Variants in PI4KA observed in about 807,000 individuals in gnomAD.
PI4KA encodes PI4-kinase alpha.
PI4KA carries 122 observed loss-of-function variants against 271.4 expected under a neutral mutation model. The ratio of observed to expected loss-of-function variants is 0.45; its 90% CI spans 0.39 to 0.52. The LOEUF is 0.52. Among genes scored for constraint, PI4KA ranks in the 20% least tolerant of loss-of-function variants. The probability of loss-of-function intolerance (pLI) is 0.00; values close to 1 mark genes in which losing one functional copy is unlikely to be tolerated. For missense variants in PI4KA, 1,969 were observed against 2,769.1 expected, an observed-to-expected ratio of 0.71 and a Z score of 6.48; for synonymous variants, 1,041 against 1,078.8, an observed-to-expected ratio of 0.96 and a Z score of 0.69.
chr22:20,838,518 C>T, intron 2 of PI4KA, 97 bp downstream of exon 2: 1 of 740,446 alleles, frequency 1.4e-6, no homozygotes. Flanking sequence ...ATGTATTCTT[C>T]TACTATTGCT....
chr22:20,713,751 GC>G (rs1396179002), intron 47 of PI4KA, among the ~76,000 whole-genome samples: 1 of 152,246 alleles, frequency 6.6e-6, no homozygotes, highest in African/African-American at 2.4e-5. Context: ...GGGCCAGCGT[GC>G]AGACATGGCC....
At chr22:20,824,781 A>ACACACACACACAC (rs879423661) in intron 3 of PI4KA, among the ~76,000 whole-genome samples, 1 of 136,482 alleles carries the variant, frequency 7.3e-6, no homozygotes, top group Admixed American at 7.5e-5. Flanking sequence ...CACACACACA[A>ACACACACACACAC]AACACTCGGC....
intron 19 of PI4KA, among the ~76,000 whole-genome samples, chr22:20,774,446 A>AT (rs1933081543): frequency 6.6e-6 from 1 of 152,132 alleles, no homozygotes; most frequent in African/African-American, 2.4e-5. Context: ...GCTCTTGGGT[A>AT]TTTTCCCTGA....
chr22:20,742,155 C>T (rs1355618058), intron 32 of PI4KA, 73 bp downstream of exon 32: 67 of 1,500,124 alleles, frequency 4.5e-5, no homozygotes, highest in Admixed American at 3.5e-4. Context: ...TTGGTGGTGG[C>T]GGCACCAGGG....
chr22:20,740,396 AAGAGAG>A (rs1000665948), intron 32 of PI4KA, among the ~76,000 whole-genome samples: 1 of 151,610 alleles, frequency 6.6e-6, no homozygotes, highest in Non-Finnish European at 1.5e-5. Context: ...CAAAAAGGAG[AAGAGAG>A]AGAGAATGAA....
At chr22:20,849,715 G>A (rs531434725) in intron 1 of PI4KA, among the ~76,000 whole-genome samples, 6 of 152,126 alleles carry the variant, frequency 3.9e-5, no homozygotes, top group East Asian at 1.9e-4. Context: ...TTAGCCGGGC[G>A]CAGTGGCGGG....
At chr22:20,802,198 A>G in intron 13 of PI4KA, 93 bp from the exon 14 acceptor site, 1 of 1,177,074 alleles carries the variant, frequency 8.5e-7, no homozygotes, top group Non-Finnish European at 1.2e-6. Context: ...TATGCTGATC[A>G]TTTATAAAAG....
intron 7 of PI4KA, among the ~76,000 whole-genome samples, chr22:20,814,155 A>G (rs1293431601): frequency 6.8e-6 from 1 of 147,016 alleles, no homozygotes; most frequent in Non-Finnish European, 1.5e-5. Context: ...ACAGGGCCTC[A>G]GAGATATTTT....
At chr22:20,851,411 A>G (rs1403484158) in intron 1 of PI4KA, among the ~76,000 whole-genome samples, 1 of 151,894 alleles carries the variant, frequency 6.6e-6, no homozygotes, top group Non-Finnish European at 1.5e-5. Context: ...GTGCAATCTC[A>G]GCTCACCACA....
At chr22:20,844,523 C>T (rs1926008561) in intron 1 of PI4KA, among the ~76,000 whole-genome samples, 1 of 151,596 alleles carries the variant, frequency 6.6e-6, no homozygotes. Flanking sequence ...GCAGGAGTTA[C>T]AAAACTAATA....
At chr22:20,798,020 A>G (rs1935085366) in intron 17 of PI4KA, among the ~76,000 whole-genome samples, 1 of 152,202 alleles carries the variant, frequency 6.6e-6, no homozygotes, top group Admixed American at 6.5e-5. Context: ...CTGTCAGGGA[A>G]AACTGGTCAG....
At chr22:20,778,519 C>A (rs1009813241) in intron 19 of PI4KA, among the ~76,000 whole-genome samples, 1 of 151,892 alleles carries the variant, frequency 6.6e-6, no homozygotes, top group East Asian at 1.9e-4. Context: ...ATAAAAACAA[C>A]AAAAGCCAAT....
Position 20,708,103 on chromosome 22 carries a change from A to C in PI4KA, c.6258-5T>G. 6.2e-7 allele frequency: 1 copy of C among 1,612,990 alleles called. No individual in the cohort carries two copies. The highest frequency in any genetic ancestry group is 8.5e-7 in the Non-Finnish European group (1 of 1,179,068). ...ATCATGTCGTAGGTCCGGCTCCTGA[A>C]AGGCCAAGGAAGAGTGAAGGGAGAT... On this transcript the variant is annotated splice_polypyrimidine_tract_variant and splice_region_variant and intron_variant, in intron 54 of 54. Transcript: ENST00000255882.
intron 44 of PI4KA, among the ~76,000 whole-genome samples, chr22:20,718,216 G>GAT (rs1293821507): frequency 1.3e-5 from 2 of 152,238 alleles, no homozygotes; most frequent in East Asian, 1.9e-4. Context: ...GCCCAGCATT[G>GAT]ATGACTCCAG....
At chr22:20,837,199 G>A (rs370520121) in intron 2 of PI4KA, among the ~76,000 whole-genome samples, 45 of 152,262 alleles carry the variant, frequency 3.0e-4, no homozygotes, top group African/African-American at 1.1e-3. Context: ...ATCAACCTGG[G>A]CAACCTAGCA....
chr22:20,742,902 GAC>G, intron 30 of PI4KA, 138 bp from the exon 31 acceptor site: 2 of 694,542 alleles, frequency 2.9e-6, no homozygotes, highest in Non-Finnish European at 5.1e-6. Flanking sequence ...CATGCAGAGA[GAC>G]AGGCTCATTT....
Position 20,813,473 on chromosome 22 carries a change from G to A in PI4KA, c.890C>T (p.Pro297Leu). Reference sequence around the variant, plus strand: ...GCTGATGGTTGAAAAGTAGTACTCAGGCTCTAGGGCAGTCCCATCGGGCAA... The same window carrying A: ...GCTGATGGTTGAAAAGTAGTACTCAAGCTCTAGGGCAGTCCCATCGGGCAA... ...SCLPDGTALE[P>L]EYYFSTISSS... Residue 297 changes from proline to leucine, a missense_variant, in exon 8 of 55, where the codon CCT (proline) becomes CTT (leucine). Physicochemically the swap from Pro to Leu is moderately conservative, Grantham distance 98. Coordinates refer to ENST00000255882, the MANE Select transcript of PI4KA (RefSeq NM_058004.4). The A allele has an allele frequency of 6.2e-7, 1 of 1,614,050 alleles. No individual in the cohort carries two copies. Among genetic ancestry groups the A allele is most frequent in the Non-Finnish European group, 8.5e-7 (1 of 1,179,960 alleles).
chr22:20,839,405 AG>A (rs1234761242), intron 1 of PI4KA, among the ~76,000 whole-genome samples: 2 of 152,240 alleles, frequency 1.3e-5, no homozygotes, highest in African/African-American at 4.8e-5. Context: ...GTATACTCAG[AG>A]GGGGTAAGAC....
Position 20,732,901 on chromosome 22 carries a change from T to G in PI4KA, c.4288+70A>C, listed in dbSNP as rs540555068. ...TTTTCCGTCCCTACCTCTGGCACCC[T>G]CGGGGCAGCCCACGTGGCACCCCTG... On this transcript the variant is annotated intron_variant, in intron 36 of 54. Coordinates refer to ENST00000255882, the MANE Select transcript of PI4KA (RefSeq NM_058004.4). 1.5e-4 allele frequency: 242 copies of G among 1,595,000 alleles called. No homozygotes were observed. The African/African-American group carries it at 2.8e-3, about 19-fold the overall frequency.
Sources: allele counts gnomAD v4.1 joint callset (sites outside exome capture counted in the v4.1 genomes callset), GRCh38; gene constraint gnomAD v4.1.1; transcripts MANE v1.5; gene names NCBI Gene and HGNC (gene_info 2026-07-23, HGNC 2026-07-21).